ZNF292: variants seen among roughly 807,000 people sequenced by gnomAD.
ZNF292 encodes zinc finger protein 292, also known as 16 zinc-finger domain protein.
ZNF292 carries 26 observed loss-of-function variants against 217.9 expected under a neutral mutation model. That is an observed-to-expected ratio of 0.12 (90% CI 0.09 to 0.17). The LOEUF (loss-of-function observed/expected upper bound fraction) is 0.17, where lower values mean the gene tolerates loss of function less well. ZNF292 is among the 10% of genes least tolerant of loss of function. The pLI is 1.00. For synonymous variants in ZNF292, 1,257 were observed against 1,124.1 expected (o/e 1.12, Z -2.37); for missense variants, 2,904 against 3,175.2 (o/e 0.91, Z 2.05).
At chr6:87,213,647 G>A (rs544420176) in intron 1 of ZNF292, 1 of 152,516 alleles carries the variant, frequency 6.6e-6, no homozygotes, top group Non-Finnish European at 1.5e-5. Context: ...GCAGGTGACC[G>A]GGATGAGTCA....
Position 87,259,708 on chromosome 6 carries a change from G to A in ZNF292, c.6079G>A (p.Ala2027Thr), listed in dbSNP as rs771470765. Residue 2027 changes from alanine (A) to threonine (T), a missense_variant, in exon 8 of 8, where the codon GCA (alanine) becomes ACA (threonine). By Grantham distance (58) the Ala-to-Thr change is moderately conservative (BLOSUM62 0). Around this residue, in one of 15 missense-constraint regions of ZNF292, gnomAD observed 261 missense variants for 272.8 expected, o/e 0.96. Coordinates refer to ENST00000369577, the MANE Select transcript of ZNF292 (RefSeq NM_015021.3). ...ATCTCAGCCTGCTTTAGAATTGAGA[G>A]CAGAGACCCAAAATACCCACAGTAA... Reference protein sequence around the residue: ...KESQPALELRAETQNTHSNVA... With the variant: ...KESQPALELRTETQNTHSNVA... 3 of 1,601,792 alleles carry A rather than the reference G, an allele frequency of 1.9e-6. No individual in the cohort carries two copies. In the South Asian group the frequency reaches 3.4e-5, roughly 18 times the overall value.
chr6:87,258,602 T>C lies in ZNF292; in HGVS notation c.4973T>C (p.Ile1658Thr), dbSNP rs541372218. The C allele has an allele frequency of 3.1e-5, 50 of 1,613,590 alleles. No individual in the cohort carries two copies. The highest frequency in any genetic ancestry group is 2.2e-4 in the Admixed American group (13 of 59,886). Reference sequence around the variant, plus strand: ...AGTGACTTAACAACAATGGGACTCATAGCAAAGAGTGTTGAAATCCCAACT... The same window carrying C: ...AGTGACTTAACAACAATGGGACTCACAGCAAAGAGTGTTGAAATCCCAACT... ...VTSDLTTMGL[I>T]AKSVEIPTTN... Residue 1658 changes from isoleucine (I) to threonine (T), a missense_variant, in exon 8 of 8, where the codon ATA (isoleucine) becomes ACA (threonine). Physicochemically the swap from Ile to Thr is moderately conservative, Grantham distance 89. Around this residue, in one of 15 missense-constraint regions of ZNF292, gnomAD observed 622 missense variants for 573.1 expected, o/e 1.09. Coordinates refer to ENST00000369577, the MANE Select transcript of ZNF292 (RefSeq NM_015021.3).
At chr6:87,192,132 C>T in intron 1 of ZNF292, among the ~76,000 whole-genome samples, 1 of 152,100 alleles carries the variant, frequency 6.6e-6, no homozygotes, top group East Asian at 1.9e-4. Flanking sequence ...TAGTGGGAAC[C>T]ACAAAAGGCA....
chr6:87,206,327 C>T (rs1772252344), intron 1 of ZNF292, among the ~76,000 whole-genome samples: 1 of 126,136 alleles, frequency 7.9e-6, no homozygotes, highest in African/African-American at 3.5e-5. Flanking sequence ...CCACACTTCC[C>T]ACCCTCAGTA....
chr6:87,226,647 C>CTA (rs1228112578), intron 4 of ZNF292, among the ~76,000 whole-genome samples: 4 of 113,202 alleles, frequency 3.5e-5, no homozygotes, highest in Non-Finnish European at 6.8e-5. Context: ...ATCTATATAT[C>CTA]TATATATATA....
intron 1 of ZNF292, among the ~76,000 whole-genome samples, chr6:87,189,811 G>A (rs766204487): frequency 2.0e-5 from 3 of 152,026 alleles, no homozygotes; most frequent in Non-Finnish European, 2.9e-5. Flanking sequence ...TACTGTACTC[G>A]GAAGGAAGGA....
chr6:87,249,605 G>A (rs1774796400), intron 7 of ZNF292: 1 of 157,570 alleles, frequency 6.3e-6, no homozygotes, highest in South Asian at 1.8e-4. Flanking sequence ...TAGGACTGAA[G>A]AGACCTTAAA....
At chr6:87,236,404 TTA>T (rs1491363793) in intron 5 of ZNF292, among the ~76,000 whole-genome samples, 11 of 140,442 alleles carry the variant, frequency 7.8e-5, no homozygotes, top group African/African-American at 2.1e-4. Context: ...TTTTTTTTTT[TTA>T]AAAAAGAAAA....
At chr6:87,246,621 T>A (rs1423955260) in intron 7 of ZNF292, among the ~76,000 whole-genome samples, 1 of 152,196 alleles carries the variant, frequency 6.6e-6, no homozygotes, top group Non-Finnish European at 1.5e-5. Flanking sequence ...TCCCAGTACT[T>A]TGGGAGGCCA....
intron 1 of ZNF292, among the ~76,000 whole-genome samples, chr6:87,179,618 T>C (rs1010757435): frequency 6.6e-6 from 1 of 152,212 alleles, no homozygotes; most frequent in Non-Finnish European, 1.5e-5. Context: ...ATAAATCATA[T>C]GTATAAATAT....
rs370257173 is a variant in ZNF292, at chr6:87,256,411, C to T, written c.2782C>T (p.Pro928Ser). The change falls in exon 8 of 8, where the codon CCT becomes TCT. Residue 928 changes from proline (P) to serine (S), a missense_variant. By Grantham distance (74) the Pro-to-Ser change is moderately conservative. This residue lies in a region of ZNF292 where 687 missense variants were observed against 623.0 expected (regional missense o/e 1.10). Coordinates refer to ENST00000369577, the MANE Select transcript of ZNF292 (RefSeq NM_015021.3). ...SNGLENPATTPLLQSSEVAVS... is the reference protein window; with the variant it reads ...SNGLENPATTSLLQSSEVAVS... ...TGGTTTGGAAAACCCTGCTACTACT[C>T]CTCTACTTCAATCCAGTGAAGTAGC... 2 of 1,607,072 alleles carry T rather than the reference C, an allele frequency of 1.2e-6. No homozygotes were observed. Among genetic ancestry groups the T allele is most frequent in the Admixed American group, 1.7e-5 (1 of 59,996 alleles).
intron 4 of ZNF292, 54 bp downstream of exon 4, chr6:87,218,785 G>T: frequency 6.7e-7 from 1 of 1,491,440 alleles, no homozygotes; most frequent in East Asian, 2.5e-5. Context: ...GAAAAAATAA[G>T]TGTTAAAGTT....
intron 1 of ZNF292, among the ~76,000 whole-genome samples, chr6:87,193,538 C>CAA (rs981050787): frequency 1.6e-5 from 2 of 124,890 alleles, no homozygotes; most frequent in Admixed American, 8.2e-5. Context: ...AGAGACCTTC[C>CAA]AAAAAAAAAA....
chr6:87,260,893 A>G lies in ZNF292; in HGVS notation c.7264A>G (p.Asn2422Asp), dbSNP rs756541832. Residue 2422 changes from asparagine to aspartate, a missense_variant, in exon 8 of 8, where the codon AAT becomes GAT. Around this residue, in one of 15 missense-constraint regions of ZNF292, gnomAD observed 380 missense variants for 355.3 expected, o/e 1.07. Transcript: ENST00000369577. ...LSKAFTSQHR[N>D]LLIVFKRCCN... ...TAAGGCATTTACATCACAACACCGA[A>G]ATCTTCTTATTGTATTCAAACGGTG... The G allele has an allele frequency of 2.5e-6, 4 of 1,610,506 alleles. No homozygotes were observed. The African/African-American group carries it at 5.3e-5, about 22-fold the overall frequency.
At chr6:87,254,340 TTGAC>T (rs1277467373) in intron 7 of ZNF292, among the ~76,000 whole-genome samples, 1 of 152,218 alleles carries the variant, frequency 6.6e-6, no homozygotes, top group Non-Finnish European at 1.5e-5. Context: ...AAGTGCTGTT[TTGAC>T]CTCTGTTTTA....
rs1191103851 is a variant in ZNF292, at chr6:87,255,066, T to C, written c.1437T>C (p.Tyr479=). 7.4e-6 allele frequency: 12 copies of C among 1,613,688 alleles called. No individual in the cohort carries two copies. Among genetic ancestry groups the C allele is most frequent in the Non-Finnish European group, 1.0e-5 (12 of 1,179,848 alleles). The change falls in exon 8 of 8, where the codon TAT becomes TAC. Residue 479 remains tyrosine (Y), a synonymous_variant. Transcript: ENST00000369577. ...ATGAACTAAATGACAGTGAAGTATA[T>C]GAAAAAGTGGTAGACTACCAAGAAG... is the stretch of plus-strand genomic sequence containing the variant. ...SIDELNDSEV[Y]EKVVDYQEES...
chr6:87,178,314 T>C (rs2127776712), intron 1 of ZNF292, among the ~76,000 whole-genome samples: 1 of 152,328 alleles, frequency 6.6e-6, no homozygotes, highest in South Asian at 2.1e-4. Context: ...TGTTGAATGG[T>C]TTTCTCCTTG....
At chr6:87,179,198 C>T (rs1346647309) in intron 1 of ZNF292, among the ~76,000 whole-genome samples, 2 of 125,118 alleles carry the variant, frequency 1.6e-5, no homozygotes, top group South Asian at 2.8e-4. Context: ...CTCACTCTGT[C>T]GCCCGGGCTG....
intron 5 of ZNF292, among the ~76,000 whole-genome samples, chr6:87,239,076 C>T (rs1562164837): frequency 1.3e-5 from 2 of 152,260 alleles, no homozygotes; most frequent in Admixed American, 6.5e-5. Flanking sequence ...CCTATGTCTA[C>T]TTCTTTCTAC....
Sources: allele counts gnomAD v4.1 joint callset (sites outside exome capture counted in the v4.1 genomes callset), GRCh38; gene constraint gnomAD v4.1.1; regional missense constraint gnomAD v4.1.1; transcripts MANE v1.5; gene names NCBI Gene and HGNC (gene_info 2026-07-23, HGNC 2026-07-21).